Variants in WDR43 observed in about 807,000 individuals in gnomAD.
The protein encoded by WDR43 is WD repeat-containing protein 43.
Under a neutral mutation model 91.4 loss-of-function variants are expected in WDR43, and 13 were observed. The observed-to-expected ratio is 0.14, with a 90% CI of 0.09 to 0.23. WDR43 has a LOEUF of 0.23. Among genes scored for constraint, WDR43 ranks in the 10% least tolerant of loss-of-function variants. WDR43 has a pLI of 1.00. For synonymous variants in WDR43, 331 were observed against 287.9 expected (o/e 1.15, Z -1.51); for missense variants, 780 against 809.4 (o/e 0.96, Z 0.44).
chr2:28,921,231 G>A (rs570022104), intron 6 of WDR43, among the ~76,000 whole-genome samples: 114 of 151,464 alleles, frequency 7.5e-4, no homozygotes, highest in Non-Finnish European at 1.4e-3. Flanking sequence ...GGGTTCAAGC[G>A]ATTCTCCTGC....
At chr2:28,939,469 G>A (rs1361416788) in intron 14 of WDR43, among the ~76,000 whole-genome samples, 1 of 152,212 alleles carries the variant, frequency 6.6e-6, no homozygotes, top group Non-Finnish European at 1.5e-5. Context: ...GAATGGTATA[G>A]GGAGGGCCCC....
intron 3 of WDR43, 139 bp from the exon 4 acceptor site, chr2:28,912,451 A>G: frequency 9.6e-7 from 1 of 1,040,942 alleles, no homozygotes; most frequent in Non-Finnish European, 1.4e-6. Context: ...ACCTGACACA[A>G]GCTTTTAGGG....
At chr2:28,944,554 A>ATAAT in intron 16 of WDR43, among the ~76,000 whole-genome samples, 1 of 152,352 alleles carries the variant, frequency 6.6e-6, no homozygotes, top group South Asian at 2.1e-4. Context: ...TGTGAACAAC[A>ATAAT]TAATTCTTCA....
chr2:28,921,581 T>C (rs1394506207), intron 6 of WDR43, among the ~76,000 whole-genome samples: 1 of 152,230 alleles, frequency 6.6e-6, no homozygotes, highest in Non-Finnish European at 1.5e-5. Flanking sequence ...AATAATCTGC[T>C]TATTTTATTC....
chr2:28,904,117 T>C (rs1425211520), intron 2 of WDR43, among the ~76,000 whole-genome samples: 1 of 152,126 alleles, frequency 6.6e-6, no homozygotes, highest in Non-Finnish European at 1.5e-5. Flanking sequence ...AACTCCTTTT[T>C]ATATCATTTC....
In WDR43 at chr2:28,924,879, A is replaced by G. The variant is rs1671098332; in HGVS notation, c.915-103A>G. ...CAGGTGACTCCTGATGGCAGTATAG[A>G]GGCTAGAGGGGGGTCACATTTCGTG... is the stretch of plus-strand genomic sequence containing the variant. On this transcript the variant is annotated intron_variant, in intron 7 of 17. Coordinates refer to ENST00000407426, the MANE Select transcript of WDR43 (RefSeq NM_015131.3). The G allele has an allele frequency of 1.4e-5, 20 of 1,381,836 alleles. No homozygotes were observed. The South Asian group carries it at 2.5e-4, about 17-fold the overall frequency. The allele number at this position is 1,381,836 out of a possible 1,614,324, so 85.6% of individuals were successfully genotyped here. A position where few individuals can be genotyped will look rare whatever the true frequency, so the allele number is the denominator to read the frequency against.
In WDR43 at chr2:28,894,766, C is replaced by A; in HGVS notation, c.68C>A (p.Pro23Gln). The change falls in exon 1 of 18, where the codon CCG becomes CAG. Residue 23 changes from proline to glutamine, a missense_variant. By Grantham distance (76) the Pro-to-Gln change is moderately conservative. This residue lies in a region of WDR43 where 175 missense variants were observed against 113.8 expected (regional missense o/e 1.54). Coordinates refer to ENST00000407426, the MANE Select transcript of WDR43 (RefSeq NM_015131.3). ...APAGVPCAFS[P>Q]HSQAYFALAS... ...GCTGGGGTCCCTTGCGCCTTCTCCC[C>A]GCACAGCCAGGCCTACTTCGCTTTG... The A allele has an allele frequency of 6.2e-7, 1 of 1,604,086 alleles. No homozygotes were observed. The highest frequency in any genetic ancestry group is 8.5e-7 in the Non-Finnish European group (1 of 1,175,718).
At chr2:28,930,219 T>C in intron 11 of WDR43, 2 of 398,404 alleles carry the variant, frequency 5.0e-6, no homozygotes, top group South Asian at 3.8e-5. Context: ...GTAAAAGTAC[T>C]AGAAACTTTG....
intron 4 of WDR43, 35 bp downstream of exon 4, chr2:28,912,745 T>C (rs778281260): frequency 1.2e-6 from 2 of 1,608,572 alleles, no homozygotes; most frequent in East Asian, 2.2e-5. Context: ...GCATAAAAAT[T>C]ATAGAGTAAA....
At chr2:28,939,044 C>G (rs1206106609) in intron 14 of WDR43, among the ~76,000 whole-genome samples, 2 of 80,908 alleles carry the variant, frequency 2.5e-5, no homozygotes, top group Non-Finnish European at 5.2e-5. Context: ...CCTGGGAGCA[C>G]TGGTGAGAGG....
At chr2:28,899,828 C>T (rs1237101583) in intron 1 of WDR43, among the ~76,000 whole-genome samples, 2 of 152,110 alleles carry the variant, frequency 1.3e-5, no homozygotes, top group Non-Finnish European at 2.9e-5. Context: ...GACCATCCAA[C>T]CTGAAAAATA....
intron 9 of WDR43, 132 bp from the exon 10 acceptor site, chr2:28,927,437 A>G: frequency 9.2e-7 from 1 of 1,081,510 alleles, no homozygotes. Flanking sequence ...AATATATCTT[A>G]AATTGATATC....
intron 1 of WDR43, among the ~76,000 whole-genome samples, chr2:28,901,208 A>G (rs1212847199): frequency 6.6e-6 from 1 of 152,238 alleles, no homozygotes. Context: ...CACGGAAGAG[A>G]AGTTCTGAAA....
At position 28,936,709 on chromosome 2, in the gene WDR43, C is replaced by T. The variant is rs139996581; in HGVS notation, c.1525-213C>T. ...GCTATTTTCTGTCTGTGGATTTTGC[C>T]GGTTCTGGACATTCCTTCATATAAG... On this transcript the variant is annotated intron_variant, in intron 12 of 17. Transcript: ENST00000407426. Among the ~76,000 whole-genome samples, 276 of 152,196 alleles carry T rather than the reference C, an allele frequency of 1.8e-3. 2 individuals carry two copies. The highest frequency in any genetic ancestry group is 0.011 in the East Asian group (58 of 5,180).
Position 28,936,966 on chromosome 2 carries a change from A to G in WDR43, c.1556+13A>G. On this transcript the variant is annotated intron_variant, in intron 13 of 17. Transcript: ENST00000407426. ...GACATCCTAATAGGTAAGATTAAAC[A>G]GGTGACTTAAAAACAGTGTTGTCTG... 6.4e-7 allele frequency: 1 copy of G among 1,564,688 alleles called. No homozygotes were observed. Among genetic ancestry groups the G allele is most frequent in the Non-Finnish European group, 8.7e-7 (1 of 1,153,424 alleles).
chr2:28,936,910 T>C lies in WDR43; in HGVS notation c.1525-12T>C. On this transcript the variant is annotated splice_polypyrimidine_tract_variant and intron_variant, in intron 12 of 17. Transcript: ENST00000407426. ...GAAGTGCTGTTGTTAATAGTGTTTT[T>C]CTCTCCCTTAGCTTACAAAGAGGTT... The C allele has an allele frequency of 3.8e-6, 6 of 1,569,386 alleles. No individual in the cohort carries two copies. Among genetic ancestry groups the C allele is most frequent in the Non-Finnish European group, 5.2e-6 (6 of 1,155,946 alleles).
intron 3 of WDR43, 108 bp downstream of exon 3, chr2:28,906,689 T>C: frequency 2.2e-5 from 30 of 1,355,700 alleles, no homozygotes; most frequent in Non-Finnish European, 2.7e-5. Flanking sequence ...CAAAGAACTT[T>C]TAATCAAATC....
At chr2:28,928,466 C>T (rs906135529) in intron 10 of WDR43, among the ~76,000 whole-genome samples, 3 of 152,096 alleles carry the variant, frequency 2.0e-5, no homozygotes, top group Admixed American at 2.0e-4. Flanking sequence ...AAAAATAAAG[C>T]GCCAACTTTC....
chr2:28,922,801 T>TTTTG lies in WDR43; in HGVS notation c.850-115_850-114insGTTT, dbSNP rs1363916647. 7.5e-4 allele frequency: 297 copies of TTTTG among 395,056 alleles called. 15 individuals carry two copies. In the South Asian group the frequency reaches 0.02, roughly 27 times the overall value. 24.5% of individuals were successfully genotyped at this position (395,056 alleles called of 1,614,324 possible). A position where few individuals can be genotyped will look rare whatever the true frequency, so the allele number is the denominator to read the frequency against. The stretch of plus-strand genomic sequence containing the variant: ...TTTTAAATGGATTCTTGCTGTGTTT[T>TTTTG]TTTTTTTTTTTTTCTGGTTGTGTAA... On this transcript the variant is annotated intron_variant, in intron 6 of 17. Transcript: ENST00000407426.
Sources: allele counts gnomAD v4.1 joint callset (sites outside exome capture counted in the v4.1 genomes callset), GRCh38; gene constraint gnomAD v4.1.1; regional missense constraint gnomAD v4.1.1; transcripts MANE v1.5; gene names NCBI Gene and HGNC (gene_info 2026-07-23, HGNC 2026-07-21).